FAM135B: variants seen among roughly 807,000 people sequenced by gnomAD.
The protein encoded by FAM135B is protein FAM135B.
FAM135B carries 43 observed loss-of-function variants against 127.7 expected under a neutral mutation model. The ratio of observed to expected loss-of-function variants is 0.34; its 90% CI spans 0.26 to 0.43. The LOEUF (loss-of-function observed/expected upper bound fraction) is 0.43. Ranked by LOEUF, FAM135B falls within the 20% of genes least tolerant of loss-of-function variation. The pLI is 1.00. For synonymous variants in FAM135B, 670 were observed against 665.1 expected (o/e 1.01, Z -0.11); for missense variants, 1,558 against 1,725.6 (o/e 0.90, Z 1.72).
intron 3 of FAM135B, among the ~76,000 whole-genome samples, chr8:138,297,359 A>G (rs1223696821): frequency 6.6e-6 from 1 of 152,242 alleles, no homozygotes; most frequent in African/African-American, 2.4e-5. Flanking sequence ...GCTCATATGC[A>G]GAAACTAAGG....
intron 12 of FAM135B, among the ~76,000 whole-genome samples, chr8:138,167,480 G>C (rs1357070120): frequency 6.6e-6 from 1 of 152,184 alleles, no homozygotes; most frequent in African/African-American, 2.4e-5. Flanking sequence ...ACAGGCGCGA[G>C]CCACGGCGTC....
At chr8:138,323,637 G>A (rs1433296252) in intron 2 of FAM135B, among the ~76,000 whole-genome samples, 2 of 152,142 alleles carry the variant, frequency 1.3e-5, no homozygotes, top group Non-Finnish European at 2.9e-5. Flanking sequence ...GTGGTATCTT[G>A]TGCTAGTTAA....
At position 138,186,908 on chromosome 8, in the gene FAM135B, G is replaced by A. The variant is rs116216594; in HGVS notation, c.874-8218C>T. 3.7e-3 allele frequency among the ~76,000 whole-genome samples: 569 copies of A among 152,306 alleles called. 5 individuals carry two copies. Among genetic ancestry groups the A allele is most frequent in the African/African-American group, 0.013 (541 of 41,568 alleles). ...ACAGGTGGCCTTGTGTTTAGGCCCT[G>A]GGCCCACCCCTTGGTGATTCGTGGA... On this transcript the variant is annotated intron_variant, in intron 9 of 19. Coordinates refer to ENST00000395297, the MANE Select transcript of FAM135B (RefSeq NM_015912.4).
chr8:138,187,194 T>A (rs754309949), intron 9 of FAM135B, among the ~76,000 whole-genome samples: 4 of 152,226 alleles, frequency 2.6e-5, no homozygotes, highest in Non-Finnish European at 5.9e-5. Flanking sequence ...TTAAAATTTC[T>A]TACTCCCAAA....
intron 1 of FAM135B, among the ~76,000 whole-genome samples, chr8:138,419,624 C>G (rs558870207): frequency 8.5e-5 from 13 of 152,056 alleles, no homozygotes; most frequent in African/African-American, 3.1e-4. Context: ...CAATTCTCAA[C>G]AAATTTTTAA....
intron 1 of FAM135B, among the ~76,000 whole-genome samples, chr8:138,448,111 GAA>G (rs36063170): frequency 1.4e-5 from 2 of 141,538 alleles, no homozygotes; most frequent in African/African-American, 2.7e-5. Flanking sequence ...ACAGAGGTCA[GAA>G]AAAAAAAAAA....
At chr8:138,427,669 T>C (rs1563994250) in intron 1 of FAM135B, among the ~76,000 whole-genome samples, 1 of 152,124 alleles carries the variant, frequency 6.6e-6, no homozygotes, top group Non-Finnish European at 1.5e-5. Context: ...GAAAACCATG[T>C]AGCAGCACTT....
intron 5 of FAM135B, among the ~76,000 whole-genome samples, chr8:138,252,390 C>G (rs2130503127): frequency 6.6e-6 from 1 of 152,312 alleles, no homozygotes; most frequent in East Asian, 1.9e-4. Flanking sequence ...AGTTACTGCT[C>G]ACTATTGCTT....
chr8:138,416,618 C>T (rs1466730405), intron 1 of FAM135B, among the ~76,000 whole-genome samples: 1 of 152,108 alleles, frequency 6.6e-6, no homozygotes, highest in African/African-American at 2.4e-5. Context: ...GTCAGATATT[C>T]TTCTAAGCAC....
At chr8:138,460,192 C>T (rs1003378630) in intron 1 of FAM135B, among the ~76,000 whole-genome samples, 1 of 152,162 alleles carries the variant, frequency 6.6e-6, no homozygotes, top group African/African-American at 2.4e-5. Context: ...AGACACAATA[C>T]CTACATTTTG....
At chr8:138,155,406 G>C (rs936467657) in intron 12 of FAM135B, among the ~76,000 whole-genome samples, 1 of 152,136 alleles carries the variant, frequency 6.6e-6, no homozygotes, top group African/African-American at 2.4e-5. Context: ...AAAATAACCA[G>C]CTAACATCAT....
intron 1 of FAM135B, among the ~76,000 whole-genome samples, chr8:138,428,897 C>A (rs1329782572): frequency 3.3e-5 from 5 of 152,138 alleles, no homozygotes; most frequent in Admixed American, 2.0e-4. Flanking sequence ...ATCATTTATG[C>A]CTCTATTTCG....
intron 1 of FAM135B, among the ~76,000 whole-genome samples, chr8:138,404,438 G>A (rs1833336157): frequency 6.6e-6 from 1 of 152,188 alleles, no homozygotes; most frequent in South Asian, 2.1e-4. Flanking sequence ...TAAGGTGACT[G>A]TGACAAATTC....
chr8:138,484,913 T>C (rs1320159020), intron 1 of FAM135B, among the ~76,000 whole-genome samples: 1 of 152,212 alleles, frequency 6.6e-6, no homozygotes. Context: ...TTTATACATT[T>C]CCTTTAAACA....
chr8:138,446,744 G>C lies in FAM135B; in HGVS notation c.-20+49927C>G, dbSNP rs552713557. Among the ~76,000 whole-genome samples the C allele has an allele frequency of 6.6e-5, 10 of 151,826 alleles. No homozygotes were observed. In the East Asian group the frequency reaches 1.5e-3, roughly 24 times the overall value. On this transcript the variant is annotated intron_variant, in intron 1 of 19. Transcript: ENST00000395297. ...CAATACCATTCAGGACACAGGCATG[G>C]GCAAGGACTTCATGTCTAAAACACC...
chr8:138,315,746 A>G (rs963171608), intron 2 of FAM135B, among the ~76,000 whole-genome samples: 3 of 152,214 alleles, frequency 2.0e-5, no homozygotes, highest in African/African-American at 7.2e-5. Flanking sequence ...TAAGTGAAAT[A>G]AGCCAGATAC....
intron 3 of FAM135B, among the ~76,000 whole-genome samples, chr8:138,269,840 A>C (rs1340818104): frequency 3.9e-5 from 6 of 152,164 alleles, no homozygotes; most frequent in Non-Finnish European, 7.3e-5. Flanking sequence ...ATCAAAATCC[A>C]AACAGATTTC....
intron 2 of FAM135B, among the ~76,000 whole-genome samples, chr8:138,314,724 T>TAAATAAA (rs56300482): frequency 2.0e-5 from 3 of 149,424 alleles, no homozygotes; most frequent in Non-Finnish European, 1.5e-5. Context: ...AATAAATAAA[T>TAAATAAA]TAGCTGGGTG....
intron 1 of FAM135B, among the ~76,000 whole-genome samples, chr8:138,418,272 T>C (rs1280783749): frequency 2.0e-5 from 3 of 152,082 alleles, no homozygotes; most frequent in African/African-American, 7.2e-5. Flanking sequence ...TAAAAGTGAA[T>C]GAAACCTTGG....
Sources: allele counts gnomAD v4.1 joint callset (sites outside exome capture counted in the v4.1 genomes callset), GRCh38; gene constraint gnomAD v4.1.1; transcripts MANE v1.5; gene names NCBI Gene and HGNC (gene_info 2026-07-23, HGNC 2026-07-21).